Variants in PHLDB2 observed in about 807,000 individuals in gnomAD.
The protein encoded by PHLDB2 is pleckstrin homology like domain family B member 2.
PHLDB2 carries 71 observed loss-of-function variants against 123.6 expected under a neutral mutation model. The ratio of observed to expected loss-of-function variants is 0.57; its 90% confidence interval spans 0.47 to 0.70. The LOEUF is 0.70. PHLDB2 is among the 30% of genes least tolerant of loss of function. The pLI is 0.00. For missense variants in PHLDB2, 1,446 were observed against 1,519.5 expected, an observed-to-expected ratio of 0.95 and a Z score of 0.80; for synonymous variants, 547 against 541.6, an observed-to-expected ratio of 1.01 and a Z score of -0.14.
intron 15 of PHLDB2, among the ~76,000 whole-genome samples, chr3:111,968,085 G>A (rs2071916730): frequency 6.6e-6 from 1 of 151,872 alleles, no homozygotes; most frequent in South Asian, 2.1e-4. Flanking sequence ...GCCAGGAGCA[G>A]CACTTTTTCT....
At chr3:111,964,676 A>G (rs2071634028) in intron 13 of PHLDB2, among the ~76,000 whole-genome samples, 2 of 152,314 alleles carry the variant, frequency 1.3e-5, no homozygotes, top group South Asian at 4.2e-4. Flanking sequence ...GTATGCATAC[A>G]TCAAAACATC....
intron 1 of PHLDB2, among the ~76,000 whole-genome samples, chr3:111,870,106 G>A (rs1183855254): frequency 3.9e-5 from 6 of 152,170 alleles, no homozygotes; most frequent in South Asian, 2.1e-4. Context: ...GAGTTTAAAG[G>A]AACAGAGGTT....
intron 8 of PHLDB2, among the ~76,000 whole-genome samples, chr3:111,943,763 A>G (rs1220260014): frequency 6.6e-6 from 1 of 152,212 alleles, no homozygotes; most frequent in African/African-American, 2.4e-5. Flanking sequence ...TGAAGCAACT[A>G]GAACTTTCAT....
At chr3:111,902,665 G>T (rs1301030952) in intron 2 of PHLDB2, among the ~76,000 whole-genome samples, 3 of 152,064 alleles carry the variant, frequency 2.0e-5, no homozygotes, top group Non-Finnish European at 2.9e-5. Flanking sequence ...TGAGGCGGGG[G>T]TCTCCCTCTG....
intron 2 of PHLDB2, among the ~76,000 whole-genome samples, chr3:111,900,407 G>C (rs1220752941): frequency 6.6e-6 from 1 of 152,122 alleles, no homozygotes; most frequent in Admixed American, 6.5e-5. Context: ...AACTCTTTCA[G>C]TTGAACACTT....
At chr3:111,871,572 T>G (rs2065341864) in intron 1 of PHLDB2, among the ~76,000 whole-genome samples, 1 of 152,180 alleles carries the variant, frequency 6.6e-6, no homozygotes, top group East Asian at 1.9e-4. Flanking sequence ...GAGAATGGCT[T>G]GAGCCCGGGA....
At chr3:111,838,418 G>C (rs1170494240) in intron 1 of PHLDB2, among the ~76,000 whole-genome samples, 2 of 152,132 alleles carry the variant, frequency 1.3e-5, no homozygotes, top group Non-Finnish European at 2.9e-5. Flanking sequence ...CAGAAAAGCA[G>C]CTCTACAAGA....
At chr3:111,941,287 G>A (rs1017640950) in intron 8 of PHLDB2, among the ~76,000 whole-genome samples, 5 of 152,088 alleles carry the variant, frequency 3.3e-5, no homozygotes, top group African/African-American at 9.7e-5. Context: ...ACATGACCCC[G>A]GTATCATTTC....
chr3:111,758,508 A>G (rs1036016742), intron 1 of PHLDB2, among the ~76,000 whole-genome samples: 8 of 151,994 alleles, frequency 5.3e-5, no homozygotes, highest in African/African-American at 1.9e-4. Flanking sequence ...GCCATCTGTC[A>G]CCCCTTTCTT....
At chr3:111,894,545 T>C (rs976133939) in intron 2 of PHLDB2, among the ~76,000 whole-genome samples, 4 of 151,926 alleles carry the variant, frequency 2.6e-5, no homozygotes, top group Non-Finnish European at 5.9e-5. Flanking sequence ...AAAGTGTTCC[T>C]ATTTCTCCAC....
intron 5 of PHLDB2, among the ~76,000 whole-genome samples, chr3:111,931,663 TC>T (rs1317272509): frequency 6.6e-6 from 1 of 152,212 alleles, no homozygotes; most frequent in African/African-American, 2.4e-5. Context: ...TAGCTCTCTC[TC>T]AGTCCTTGAA....
intron 1 of PHLDB2, among the ~76,000 whole-genome samples, chr3:111,794,709 T>C (rs2061079188): frequency 6.6e-6 from 1 of 152,254 alleles, no homozygotes; most frequent in Non-Finnish European, 1.5e-5. Flanking sequence ...AGTGATTGGA[T>C]TGGATCCACC....
intron 1 of PHLDB2, among the ~76,000 whole-genome samples, chr3:111,810,745 T>C (rs1163077782): frequency 1.3e-5 from 2 of 152,202 alleles, no homozygotes; most frequent in Non-Finnish European, 2.9e-5. Flanking sequence ...TAGAAATCAG[T>C]GTTACTCTTC....
intron 12 of PHLDB2, among the ~76,000 whole-genome samples, chr3:111,956,065 T>C (rs1370318990): frequency 6.6e-6 from 1 of 152,100 alleles, no homozygotes; most frequent in East Asian, 1.9e-4. Context: ...CATGGTGGCA[T>C]GCACCTGTGG....
At chr3:111,870,646 A>G (rs1425578642) in intron 1 of PHLDB2, among the ~76,000 whole-genome samples, 1 of 151,720 alleles carries the variant, frequency 6.6e-6, no homozygotes, top group Admixed American at 6.6e-5. Context: ...TTTTTCCTTC[A>G]ATCCTCTGAA....
At chr3:111,805,454 G>C (rs930309373) in intron 1 of PHLDB2, among the ~76,000 whole-genome samples, 20 of 150,806 alleles carry the variant, frequency 1.3e-4, no homozygotes, top group Non-Finnish European at 2.9e-4. Flanking sequence ...CCAGCTACTC[G>C]GGAGGCTGAG....
rs1033628982 is a variant in PHLDB2 at position 111,958,681 on chromosome 3, T to C, written c.2873-3427T>C. ...CTTATAAACTACCCCTTCAAACAGC[T>C]ATTTCTCTCTGGATAGGAAGGATTT... On this transcript the variant is annotated intron_variant, in intron 12 of 17. Coordinates refer to ENST00000431670, the MANE Select transcript of PHLDB2 (RefSeq NM_001134438.2). 3.5e-5 allele frequency: 16 copies of C among 455,346 alleles called. 1 individual carries two copies. Among genetic ancestry groups the C allele is most frequent in the Admixed American group, 1.4e-4 (6 of 42,454 alleles). 28.2% of individuals were successfully genotyped at this position (455,346 alleles called of 1,614,324 possible).
intron 12 of PHLDB2, among the ~76,000 whole-genome samples, chr3:111,960,558 G>A (rs1044847489): frequency 6.6e-6 from 1 of 152,152 alleles, no homozygotes; most frequent in Non-Finnish European, 1.5e-5. Context: ...CTTTGTTAAG[G>A]CATCATGGAT....
At chr3:111,746,105 T>C (rs2059677680) in intron 1 of PHLDB2, among the ~76,000 whole-genome samples, 1 of 152,160 alleles carries the variant, frequency 6.6e-6, no homozygotes, top group Non-Finnish European at 1.5e-5. Flanking sequence ...TGGGCAAAAG[T>C]TGGATGTGAG....
Sources: allele counts gnomAD v4.1 joint callset (sites outside exome capture counted in the v4.1 genomes callset), GRCh38; gene constraint gnomAD v4.1.1; transcripts MANE v1.5; gene names NCBI Gene and HGNC (gene_info 2026-07-23, HGNC 2026-07-21).